The following EML6 variants were observed in gnomAD, a reference collection of about 807,000 sequenced individuals.
EML6 encodes the protein echinoderm microtubule-associated protein-like 6.
EML6 carries 154 observed loss-of-function variants against 240.1 expected under a neutral mutation model. The ratio of observed to expected loss-of-function variants is 0.64; its 90% CI spans 0.56 to 0.73. EML6 has a LOEUF of 0.73. EML6 is among the 30% of genes least tolerant of loss of function. EML6 has a pLI of 0.00. For synonymous variants in EML6, 1,148 were observed against 899.0 expected (o/e 1.28, Z -4.95); for missense variants, 2,964 against 2,474.6 (o/e 1.20, Z -4.20).
At chr2:54,808,212 T>C (rs72808612) in intron 2 of EML6, among the ~76,000 whole-genome samples, 4,129 of 152,318 alleles carry the variant, frequency 0.027, 84 homozygotes, top group Non-Finnish European at 0.042. Context: ...GGTGGGGTAC[T>C]GAAGTGCTAA....
intron 2 of EML6, among the ~76,000 whole-genome samples, chr2:54,768,636 C>A (rs1054397065): frequency 1.3e-5 from 2 of 152,126 alleles, no homozygotes; most frequent in Non-Finnish European, 2.9e-5. Flanking sequence ...AGTCGTGAGG[C>A]CCGGATTGTA....
chr2:54,826,011 T>A (rs914921508), intron 5 of EML6, among the ~76,000 whole-genome samples: 1 of 152,210 alleles, frequency 6.6e-6, no homozygotes, highest in African/African-American at 2.4e-5. Flanking sequence ...TCAACTTAGT[T>A]CTCTACCTTT....
Position 54,959,275 on chromosome 2 carries a change from C to A in EML6, c.4853+14C>A. On this transcript the variant is annotated intron_variant, in intron 34 of 41. Transcript: ENST00000356458. ...AAAAGAGAGGCCGTAAGCCAAAGCTCCTATGGAAACAACTTGTCGTTTGTT... is the reference window on the plus strand; with the variant it reads ...AAAAGAGAGGCCGTAAGCCAAAGCTACTATGGAAACAACTTGTCGTTTGTT... The A allele has an allele frequency of 1.3e-6, 2 of 1,504,104 alleles. No homozygotes were observed. The highest frequency in any genetic ancestry group is 1.3e-5 in the South Asian group (1 of 77,606). 93.2% of individuals were successfully genotyped at this position (1,504,104 alleles called of 1,614,324 possible). A position where few individuals can be genotyped will look rare whatever the true frequency, so the allele number is the denominator to read the frequency against.
intron 24 of EML6, among the ~76,000 whole-genome samples, chr2:54,906,378 G>A (rs1172145841): frequency 6.6e-6 from 1 of 152,186 alleles, no homozygotes; most frequent in Non-Finnish European, 1.5e-5. Context: ...CAGGATCAGG[G>A]GGATGCTGCT....
chr2:54,802,657 C>CTACTAG (rs1553381885), intron 2 of EML6, among the ~76,000 whole-genome samples: 2,434 of 148,756 alleles, frequency 0.016, 73 homozygotes, highest in African/African-American at 0.054. Context: ...ACTACTACTA[C>CTACTAG]TACTACTACT....
intron 2 of EML6, among the ~76,000 whole-genome samples, chr2:54,800,414 C>T (rs966254821): frequency 1.3e-5 from 2 of 152,112 alleles, no homozygotes; most frequent in African/African-American, 4.8e-5. Flanking sequence ...CGTACATACA[C>T]ACATATAAAT....
At chr2:54,815,677 A>C (rs1172050014) in intron 3 of EML6, among the ~76,000 whole-genome samples, 1 of 152,228 alleles carries the variant, frequency 6.6e-6, no homozygotes, top group Non-Finnish European at 1.5e-5. Context: ...AAATTTCTTA[A>C]GGACACATTA....
chr2:54,812,322 G>GA (rs11362235), intron 2 of EML6, among the ~76,000 whole-genome samples: 2,237 of 145,184 alleles, frequency 0.015, 27 homozygotes, highest in Non-Finnish European at 0.022. Context: ...GCCAAACACT[G>GA]AAAAAAAAAA....
At chr2:54,745,966 G>A (rs866109460) in intron 2 of EML6, among the ~76,000 whole-genome samples, 3 of 152,154 alleles carry the variant, frequency 2.0e-5, no homozygotes, top group African/African-American at 7.2e-5. Flanking sequence ...AGGGAGGAGC[G>A]AAAGACTCTG....
chr2:54,770,675 A>G (rs895025981), intron 2 of EML6, among the ~76,000 whole-genome samples: 101 of 152,100 alleles, frequency 6.6e-4, no homozygotes, highest in African/African-American at 2.4e-3. Context: ...TATGCCATTT[A>G]TGACCTCCAT....
chr2:54,952,992 T>G (rs1235658638), intron 31 of EML6, among the ~76,000 whole-genome samples: 1 of 152,188 alleles, frequency 6.6e-6, no homozygotes, highest in Non-Finnish European at 1.5e-5. Flanking sequence ...TCCGTGTCTT[T>G]TGAAGCTGGT....
At chr2:54,820,331 G>A in intron 4 of EML6, 63 bp from the exon 5 acceptor site, 2 of 968,508 alleles carry the variant, frequency 2.1e-6, no homozygotes, top group Admixed American at 2.1e-5. Flanking sequence ...AATTGGACTA[G>A]TATTGGGAAA....
chr2:54,782,650 T>C (rs1668901458), intron 2 of EML6, among the ~76,000 whole-genome samples: 1 of 149,434 alleles, frequency 6.7e-6, no homozygotes, highest in Admixed American at 6.8e-5. Flanking sequence ...TAAGTATCTC[T>C]ATTAGACCTA....
intron 2 of EML6, among the ~76,000 whole-genome samples, chr2:54,746,267 C>G (rs1683905118): frequency 6.6e-6 from 1 of 152,170 alleles, no homozygotes; most frequent in African/African-American, 2.4e-5. Flanking sequence ...GCCCAAGATG[C>G]CATCTGTTTC....
At chr2:54,919,271 C>T (rs1674099613) in intron 26 of EML6, among the ~76,000 whole-genome samples, 1 of 131,000 alleles carries the variant, frequency 7.6e-6, no homozygotes, top group Non-Finnish European at 1.6e-5. Context: ...TTTCAAAAGT[C>T]TTATTTTTTG....
At chr2:54,896,197 C>G (rs1313448359) in intron 21 of EML6, among the ~76,000 whole-genome samples, 4 of 152,178 alleles carry the variant, frequency 2.6e-5, no homozygotes, top group Non-Finnish European at 4.4e-5. Context: ...AGTCCAGAAT[C>G]TCATTATCTA....
chr2:54,967,600 C>A (rs1676805390), intron 39 of EML6, among the ~76,000 whole-genome samples: 1 of 152,100 alleles, frequency 6.6e-6, no homozygotes, highest in African/African-American at 2.4e-5. Flanking sequence ...ATGGGGGTAA[C>A]TTGTGTTTTT....
chr2:54,904,762 T>C (rs1343730141), intron 24 of EML6, among the ~76,000 whole-genome samples: 1 of 152,166 alleles, frequency 6.6e-6, no homozygotes, highest in Non-Finnish European at 1.5e-5. Flanking sequence ...TTCCCTCCCA[T>C]CTTGGGGAGA....
At position 54,849,820 on chromosome 2, in the gene EML6, A is replaced by G. The variant is rs552600721; in HGVS notation, c.1188-142A>G. 1.0e-5 allele frequency: 7 copies of G among 700,924 alleles called. No homozygotes were observed. In the South Asian group the frequency reaches 1.2e-4, roughly 12 times the overall value. The allele number at this position is 700,924 out of a possible 1,614,324, so 43.4% of individuals were successfully genotyped here. A position where few individuals can be genotyped will look rare whatever the true frequency, so the allele number is the denominator to read the frequency against. Reference sequence around the variant, plus strand: ...TAAATTTTAAATAATAACATTTTATATATTTACTCAAAAGTTAATCCTTTA... The same window carrying G: ...TAAATTTTAAATAATAACATTTTATGTATTTACTCAAAAGTTAATCCTTTA... On this transcript the variant is annotated intron_variant, in intron 9 of 41. Transcript: ENST00000356458.
Sources: allele counts gnomAD v4.1 joint callset (sites outside exome capture counted in the v4.1 genomes callset), GRCh38; gene constraint gnomAD v4.1.1; transcripts MANE v1.5; gene names NCBI Gene and HGNC (gene_info 2026-07-23, HGNC 2026-07-21).